TBC1D2: variants seen among roughly 807,000 people sequenced by gnomAD.
The protein encoded by TBC1D2 is TBC1 domain family member 2, also known as TBC1 domain family member 2A.
In TBC1D2, 58 loss-of-function variants were observed where a neutral mutation model predicts 91.1. The observed-to-expected ratio is 0.64, with a 90% CI of 0.52 to 0.79. TBC1D2 has a LOEUF of 0.79. Among genes scored for constraint, TBC1D2 ranks in the 30% least tolerant of loss-of-function variants. The pLI, the probability that TBC1D2 is intolerant of heterozygous loss-of-function variation, is 0.00. For missense variants in TBC1D2, 1,080 were observed against 1,208.3 expected (o/e 0.89, Z 1.57); for synonymous variants, 482 against 511.5 (o/e 0.94, Z 0.78).
intron 6 of TBC1D2, among the ~76,000 whole-genome samples, chr9:98,220,310 T>G (rs1829063732): frequency 1.3e-5 from 2 of 152,168 alleles, no homozygotes; most frequent in African/African-American, 2.4e-5. Context: ...GCGCGAGGAC[T>G]AAATGTGGCG....
chr9:98,208,360 A>G (rs1322193771), intron 9 of TBC1D2, among the ~76,000 whole-genome samples: 1 of 152,114 alleles, frequency 6.6e-6, no homozygotes, highest in African/African-American at 2.4e-5. Flanking sequence ...GGACTGGGGT[A>G]GGGGAGGGGT....
chr9:98,234,538 A>C (rs1038297708), intron 3 of TBC1D2, among the ~76,000 whole-genome samples: 1 of 152,196 alleles, frequency 6.6e-6, no homozygotes, highest in East Asian at 1.9e-4. Context: ...ACCAGCATTT[A>C]AAAAATGAAA....
rs773926044 is a variant in TBC1D2 at position 98,219,167 on chromosome 9, T to A, written c.1374+1666A>T. On this transcript the variant is annotated intron_variant, in intron 6 of 12. Transcript: ENST00000465784. ...GGAAGGGAATCAGGTTTCACGTCCT[T>A]TTCCTTTATCCTTCTAACAGCCCTA... 4.2e-4 allele frequency among the ~76,000 whole-genome samples: 64 copies of A among 152,246 alleles called. 1 individual carries two copies. Among genetic ancestry groups the A allele is most frequent in the Non-Finnish European group, 6.9e-4 (47 of 68,044 alleles).
chr9:98,223,009 C>G (rs1829136952), intron 5 of TBC1D2, among the ~76,000 whole-genome samples: 1 of 152,254 alleles, frequency 6.6e-6, no homozygotes, highest in South Asian at 2.1e-4. Context: ...CGGTGCCAGG[C>G]CAGGCCCTGA....
At chr9:98,218,997 T>G (rs1366669171) in intron 6 of TBC1D2, among the ~76,000 whole-genome samples, 1 of 152,248 alleles carries the variant, frequency 6.6e-6, no homozygotes, top group African/African-American at 2.4e-5. Context: ...TGTGGAGGGC[T>G]GAGAGCTTTC....
intron 3 of TBC1D2, among the ~76,000 whole-genome samples, chr9:98,240,036 C>T (rs1354352146): frequency 1.3e-5 from 2 of 151,998 alleles, no homozygotes; most frequent in African/African-American, 4.8e-5. Flanking sequence ...TTGTTCTTGA[C>T]TTTAGTAATT....
chr9:98,203,330 G>C lies in TBC1D2; in HGVS notation c.2229C>G (p.Ile743Met). The C allele has an allele frequency of 1.2e-6, 2 of 1,614,258 alleles. No individual in the cohort carries two copies. The highest frequency in any genetic ancestry group is 1.1e-5 in the South Asian group (1 of 91,090). The part of the protein sequence containing the change: ...FWCLVAIVET[I>M]MPADYYCNTL... ...TGTTGCAGTAGTAATCAGCGGGCAT[G>C]ATGGTCTCCACAATGGCCACCAGGC... is the stretch of plus-strand genomic sequence containing the variant. Residue 743 changes from isoleucine to methionine, a missense_variant, in exon 10 of 13, where the codon ATC becomes ATG. By Grantham distance (10) the Ile-to-Met change is conservative. Transcript: ENST00000465784.
chr9:98,221,329 G>C, intron 5 of TBC1D2, 101 bp from the exon 6 acceptor site: 1 of 1,364,242 alleles, frequency 7.3e-7, no homozygotes, highest in East Asian at 2.5e-5. Context: ...ACCGTGAGAG[G>C]TGCCCAGCAG....
intron 11 of TBC1D2, among the ~76,000 whole-genome samples, chr9:98,200,896 A>G (rs1445297574): frequency 6.6e-6 from 1 of 152,022 alleles, no homozygotes; most frequent in Non-Finnish European, 1.5e-5. Context: ...CATGCCTGTA[A>G]TCCCAGCTAC....
At position 98,209,065 on chromosome 9, in the gene TBC1D2, A is replaced by G. The variant is rs1409081874; in HGVS notation, c.1753T>C (p.Leu585=). ...DLKLLAKIQA[L]ESRSHHLLGL... ...AGCAGGTGGTGGGATCGTGACTCCA[A>G]TGCCTGGATCTTGGCCAGCAGCTTC... is the stretch of plus-strand genomic sequence containing the variant. Residue 585 remains leucine, a synonymous_variant, in exon 9 of 13, where the codon TTG becomes CTG. Transcript: ENST00000465784. 6.2e-7 allele frequency: 1 copy of G among 1,614,068 alleles called. No individual in the cohort carries two copies. The highest frequency in any genetic ancestry group is 1.3e-5 in the African/African-American group (1 of 75,006).
At position 98,253,467 on chromosome 9, in the gene TBC1D2, C is replaced by G. The variant is rs150049708; in HGVS notation, c.370-1541G>C. Among the ~76,000 whole-genome samples, 10 of 152,300 alleles carry G rather than the reference C, an allele frequency of 6.6e-5. No homozygotes were observed. The East Asian group carries it at 1.9e-3, about 29-fold the overall frequency. ...GCCCTTCCCCTAGTTTCTTCTCTAT[C>G]CAATAGTCAGACTGAGCTTTTGCTA... On this transcript the variant is annotated intron_variant, in intron 1 of 12. Coordinates refer to ENST00000465784, the MANE Select transcript of TBC1D2 (RefSeq NM_001267571.2).
chr9:98,201,739 C>T (rs1828510702), intron 10 of TBC1D2, 75 bp from the exon 11 acceptor site: 9 of 1,436,256 alleles, frequency 6.3e-6, no homozygotes, highest in Non-Finnish European at 7.5e-6. Flanking sequence ...AGCCTTCCTA[C>T]CCAGTCAGTC....
At chr9:98,231,791 C>T (rs991194388) in intron 4 of TBC1D2, among the ~76,000 whole-genome samples, 1 of 152,110 alleles carries the variant, frequency 6.6e-6, no homozygotes, top group Non-Finnish European at 1.5e-5. Context: ...ATATACAGTT[C>T]CAGTTGCTGT....
rs756032206 is a variant in TBC1D2 at position 98,199,581 on chromosome 9, T to C, written c.2587A>G (p.Met863Val). 13 of 1,613,858 alleles carry C rather than the reference T, an allele frequency of 8.1e-6. No homozygotes were observed. Among genetic ancestry groups the C allele is most frequent in the Non-Finnish European group, 9.3e-6 (11 of 1,180,040 alleles). ...TKTISNSRKL[M>V]NIAFNDMNPF... is the part of the protein sequence containing the mutation. ...TTCATGTCATTGAAGGCGATGTTCA[T>C]CAGCTTCCTGGGAGGAGGGCACAAT... The change falls in exon 13 of 13, where the codon ATG (methionine) becomes GTG (valine). Residue 863 changes from methionine (M) to valine (V), a missense_variant. Coordinates refer to ENST00000465784, the MANE Select transcript of TBC1D2 (RefSeq NM_001267571.2).
intron 8 of TBC1D2, among the ~76,000 whole-genome samples, chr9:98,209,790 T>TCCTTCCTTCCTA (rs1828778135): frequency 6.8e-6 from 1 of 147,776 alleles, no homozygotes; most frequent in South Asian, 2.2e-4. Flanking sequence ...CTTCCTTCCT[T>TCCTTCCTTCCTA]CCTTTCTTTT....
chr9:98,241,838 A>C (rs1342331615), intron 3 of TBC1D2, among the ~76,000 whole-genome samples: 1 of 152,002 alleles, frequency 6.6e-6, no homozygotes, highest in Non-Finnish European at 1.5e-5. Context: ...CCCTATACCC[A>C]TCAAGCCTCT....
intron 3 of TBC1D2, 83 bp from the exon 4 acceptor site, chr9:98,233,632 C>A: frequency 6.4e-7 from 1 of 1,560,546 alleles, no homozygotes; most frequent in South Asian, 1.2e-5. Context: ...ACTGCTGGAG[C>A]TCAGGTCTCA....
intron 3 of TBC1D2, chr9:98,234,643 C>G (rs1371750554): frequency 1.3e-5 from 2 of 152,202 alleles, no homozygotes; most frequent in Admixed American, 6.5e-5. Context: ...AAGGCTGGCT[C>G]GTGTGGAAGT....
At chr9:98,217,773 C>T (rs778147853) in intron 6 of TBC1D2, among the ~76,000 whole-genome samples, 1 of 152,028 alleles carries the variant, frequency 6.6e-6, no homozygotes. Context: ...AGTGCAGTGG[C>T]GTGATCACAG....
Sources: allele counts gnomAD v4.1 joint callset (sites outside exome capture counted in the v4.1 genomes callset), GRCh38; gene constraint gnomAD v4.1.1; transcripts MANE v1.5; gene names NCBI Gene and HGNC (gene_info 2026-07-23, HGNC 2026-07-21).